The following PDE1A variants were observed in gnomAD, a reference collection of about 807,000 sequenced individuals.
PDE1A encodes the protein dual specificity calcium/calmodulin-dependent 3',5'-cyclic nucleotide phosphodiesterase 1A.
A neutral mutation model predicts 61.7 loss-of-function variants in PDE1A; 35 were observed. The observed-to-expected ratio is 0.57, with a 90% CI of 0.43 to 0.75. The LOEUF (loss-of-function observed/expected upper bound fraction) is 0.75. PDE1A is among the 30% of genes least tolerant of loss of function. The probability of loss-of-function intolerance (pLI) is 0.00; values close to 1 mark genes in which losing one functional copy is unlikely to be tolerated. For missense variants in PDE1A, 597 were observed against 630.6 expected (o/e 0.95, Z 0.57); for synonymous variants, 232 against 213.2 (o/e 1.09, Z -0.77).
intron 1 of PDE1A, among the ~76,000 whole-genome samples, chr2:182,301,777 A>C (rs1695260551): frequency 6.6e-6 from 1 of 152,216 alleles, no homozygotes; most frequent in African/African-American, 2.4e-5. Context: ...AACCATGGAC[A>C]AACAATTACA....
chr2:182,313,850 C>A (rs1696157419), intron 1 of PDE1A, among the ~76,000 whole-genome samples: 1 of 152,076 alleles, frequency 6.6e-6, no homozygotes, highest in Non-Finnish European at 1.5e-5. Flanking sequence ...TGTAATTGAT[C>A]TAATATTAAA....
intron 1 of PDE1A, among the ~76,000 whole-genome samples, chr2:182,352,399 C>G (rs886215697): frequency 1.3e-5 from 2 of 152,158 alleles, no homozygotes; most frequent in African/African-American, 2.4e-5. Context: ...AACCCAGGAG[C>G]CTTATGCCTT....
chr2:182,471,522 A>T (rs910847461), intron 2 of PDE1A, among the ~76,000 whole-genome samples: 10 of 151,768 alleles, frequency 6.6e-5, no homozygotes, highest in Admixed American at 4.6e-4. Context: ...AAGTTTTCTA[A>T]GTGTTTCTTC....
chr2:182,425,234 A>G (rs1020368365), intron 1 of PDE1A, among the ~76,000 whole-genome samples: 3 of 152,168 alleles, frequency 2.0e-5, no homozygotes, highest in Non-Finnish European at 4.4e-5. Flanking sequence ...GCCCTCTGTG[A>G]GTTGTGCCTC....
At chr2:182,580,072 C>A in the PDE1A span, among the ~76,000 whole-genome samples, 2 of 152,174 alleles carry the variant, frequency 1.3e-5, no homozygotes, top group East Asian at 3.9e-4. Context: ...CTAAAATAAA[C>A]ACACAAATTA....
At chr2:182,594,439 T>C in the PDE1A span, among the ~76,000 whole-genome samples, 1 of 152,260 alleles carries the variant, frequency 6.6e-6, no homozygotes. Context: ...TACTGAGTAG[T>C]ACTCCTTTGT....
intron 1 of PDE1A, among the ~76,000 whole-genome samples, chr2:182,356,825 T>C (rs894298357): frequency 7.2e-5 from 11 of 152,122 alleles, no homozygotes; most frequent in Non-Finnish European, 1.2e-4. Flanking sequence ...ATGTAGCACA[T>C]ATACACCATG....
rs1156919382 is a variant in PDE1A, at chr2:182,346,167, T to C, written c.53+80411A>G. Among the ~76,000 whole-genome samples the C allele has an allele frequency of 2.0e-5, 3 of 152,242 alleles. No individual in the cohort carries two copies. The East Asian group carries it at 5.8e-4, about 29-fold the overall frequency. On this transcript the variant is annotated intron_variant, in intron 1 of 13. Transcript: ENST00000351439. ...GCATTTATCTATTCTAGTTGTTTACTAGTGTAAACATTTAGTTTTTAAGGT... is the reference window on the plus strand; with the variant it reads ...GCATTTATCTATTCTAGTTGTTTACCAGTGTAAACATTTAGTTTTTAAGGT...
At chr2:182,160,612 G>A (rs1447203274) in intron 13 of PDE1A, among the ~76,000 whole-genome samples, 3 of 152,074 alleles carry the variant, frequency 2.0e-5, no homozygotes, top group Admixed American at 2.0e-4. Context: ...CCTCAGACTG[G>A]GGCTGCATTC....
chr2:182,527,303 T>TTAAAAA (rs1690785942), upstream of PDE1A, among the ~76,000 whole-genome samples: 47 of 22,834 alleles, frequency 2.1e-3, no homozygotes, highest in African/African-American at 9.1e-3. Context: ...CCTTTCTCTA[T>TTAAAAA]AAAAAAAAAA....
intron 13 of PDE1A, among the ~76,000 whole-genome samples, chr2:182,169,528 T>C (rs1220839295): frequency 6.6e-6 from 1 of 152,054 alleles, no homozygotes; most frequent in Non-Finnish European, 1.5e-5. Context: ...AAGGACCATC[T>C]GCTAGGGTTC....
chr2:182,210,350 G>A (rs1351509572), intron 7 of PDE1A, among the ~76,000 whole-genome samples: 3 of 152,048 alleles, frequency 2.0e-5, no homozygotes, highest in Non-Finnish European at 4.4e-5. Flanking sequence ...GATGTGTATT[G>A]CCTATTGATC....
chr2:182,146,958 A>C, downstream of PDE1A: 1 of 555,346 alleles, frequency 1.8e-6, no homozygotes, highest in South Asian at 3.5e-5. Context: ...CATTTAAATA[A>C]GAAAATTTCA....
chr2:182,256,622 G>A (rs2436223), intron 2 of PDE1A, among the ~76,000 whole-genome samples: 110,345 of 151,860 alleles, frequency 0.73, 40,858 homozygotes, highest in African/African-American at 0.88. Flanking sequence ...CAAATGTCCA[G>A]CAATGATAGA....
chr2:182,504,065 CATTCTT>C (rs1254120111), intron 2 of PDE1A, among the ~76,000 whole-genome samples: 1 of 152,204 alleles, frequency 6.6e-6, no homozygotes, highest in Admixed American at 6.5e-5. Context: ...GAATGACACT[CATTCTT>C]AAGATAGTTC....
At chr2:182,421,332 T>G (rs1213639448) in intron 1 of PDE1A, among the ~76,000 whole-genome samples, 1 of 152,170 alleles carries the variant, frequency 6.6e-6, no homozygotes, top group Non-Finnish European at 1.5e-5. Context: ...TTTGTGTAGC[T>G]CCTGAGTGGA....
the PDE1A span, among the ~76,000 whole-genome samples, chr2:182,651,166 C>A: frequency 1.3e-5 from 2 of 152,090 alleles, no homozygotes; most frequent in East Asian, 1.9e-4. Flanking sequence ...GCCATCACAC[C>A]CAGCCAATTT....
chr2:182,617,307 C>T, the PDE1A span, among the ~76,000 whole-genome samples: 1 of 152,158 alleles, frequency 6.6e-6, no homozygotes, highest in Non-Finnish European at 1.5e-5. Flanking sequence ...CCTGTGTCAA[C>T]ACCCCACACA....
upstream of PDE1A, among the ~76,000 whole-genome samples, chr2:182,526,052 T>A (rs1690769730): frequency 6.6e-6 from 1 of 152,052 alleles, no homozygotes; most frequent in Non-Finnish European, 1.5e-5. Flanking sequence ...ATCATAGGGA[T>A]CAAAAATATG....
Sources: gnomAD v4.1 joint callset for allele counts (sites outside exome capture counted in the v4.1 genomes callset) on GRCh38, gnomAD v4.1.1 for gene constraint, MANE v1.5 for transcripts, NCBI Gene and HGNC (gene_info 2026-07-23, HGNC 2026-07-21) for gene names.